SYN3: variants seen among roughly 807,000 people sequenced by gnomAD.
SYN3 encodes synapsin-3.
Under a neutral mutation model 65.8 loss-of-function variants are expected in SYN3, and 35 were observed. The observed-to-expected ratio is 0.53, with a 90% CI of 0.41 to 0.70. The LOEUF (loss-of-function observed/expected upper bound fraction) is 0.70. Ranked by LOEUF, SYN3 falls within the 30% of genes least tolerant of loss-of-function variation. The probability of loss-of-function intolerance (pLI) is 0.00; values close to 1 mark genes in which losing one functional copy is unlikely to be tolerated. For synonymous variants in SYN3, 270 were observed against 292.9 expected, an observed-to-expected ratio of 0.92 and a Z score of 0.80; for missense variants, 680 against 749.0, an observed-to-expected ratio of 0.91 and a Z score of 1.08.
At chr22:32,948,410 A>G (rs1254641983) in intron 3 of SYN3, among the ~76,000 whole-genome samples, 2 of 152,176 alleles carry the variant, frequency 1.3e-5, no homozygotes, top group Non-Finnish European at 2.9e-5. Context: ...GCTCTGTTAT[A>G]GGTGCTAGAT....
chr22:32,628,867 CGTT>C (rs769087567), intron 6 of SYN3, among the ~76,000 whole-genome samples: 1 of 152,138 alleles, frequency 6.6e-6, no homozygotes, highest in Non-Finnish European at 1.5e-5. Flanking sequence ...CAATTTCCCT[CGTT>C]GTAACTGAAA....
chr22:32,956,811 G>A (rs2051478229), intron 3 of SYN3, among the ~76,000 whole-genome samples: 1 of 152,112 alleles, frequency 6.6e-6, no homozygotes, highest in Admixed American at 6.6e-5. Flanking sequence ...TAGAATTGCT[G>A]GATTGTACAG....
chr22:32,889,547 G>A (rs1465641936), intron 4 of SYN3, among the ~76,000 whole-genome samples: 2 of 152,130 alleles, frequency 1.3e-5, no homozygotes, highest in Non-Finnish European at 2.9e-5. Context: ...AGTAGTCCCA[G>A]GATGTAAAGA....
In SYN3 at chr22:32,527,955, A is replaced by G; in HGVS notation, c.1281T>C (p.Pro427=). The G allele has an allele frequency of 6.3e-7, 1 of 1,591,548 alleles. No individual in the cohort carries two copies. Among genetic ancestry groups the G allele is most frequent in the East Asian group, 2.3e-5 (1 of 43,818 alleles). Residue 427 remains proline (P), a synonymous_variant, in exon 12 of 14, where the codon CCT becomes CCC. Transcript: ENST00000358763. ...GGCGTGGCTGGGGCTGGCCTAGCTGAGGCCCCAGCTGGGCTTGCCCTGGGG... is the reference window on the plus strand; with the variant it reads ...GGCGTGGCTGGGGCTGGCCTAGCTGGGGCCCCAGCTGGGCTTGCCCTGGGG... The part of the protein sequence containing the change: ...AKSPGQAQLG[P]QLGQPQPRPP...
At chr22:32,667,363 T>A (rs2060302876) in intron 6 of SYN3, among the ~76,000 whole-genome samples, 1 of 152,184 alleles carries the variant, frequency 6.6e-6, no homozygotes, top group Admixed American at 6.5e-5. Flanking sequence ...GAAGGGATCA[T>A]ACTATGTATA....
chr22:32,533,753 G>C, intron 10 of SYN3, 40 bp downstream of exon 10: 1 of 1,480,840 alleles, frequency 6.8e-7, no homozygotes, highest in Non-Finnish European at 9.4e-7. Flanking sequence ...ACGCCTGCCA[G>C]GCTGGACCAG....
rs764372156 is a variant in SYN3, at chr22:32,998,784, A to AAAC, written c.311+7567_311+7568insGTT. 9.2e-4 allele frequency among the ~76,000 whole-genome samples: 125 copies of AAAC among 135,870 alleles called. 1 individual carries two copies. The highest frequency in any genetic ancestry group is 2.1e-3 in the Admixed American group (28 of 13,398). The allele number at this position is 135,870 out of a possible 152,430, so 89.1% of individuals were successfully genotyped here. A position where few individuals can be genotyped will look rare whatever the true frequency, so the allele number is the denominator to read the frequency against. ...ACATTCTATAGAAATAGTAAAAAAAAAAAAAAAAAAAAAAACAAAAGTCCC... is the reference window on the plus strand; with the variant it reads ...ACATTCTATAGAAATAGTAAAAAAAAAACAAAAAAAAAAAAAAACAAAAGTCCC... On this transcript the variant is annotated intron_variant, in intron 2 of 13. Transcript: ENST00000358763.
Position 32,567,743 on chromosome 22 carries a change from C to T in SYN3, c.775-26030G>A, listed in dbSNP as rs114322969. Among the ~76,000 whole-genome samples the T allele has an allele frequency of 7.9e-3, 1,200 of 152,226 alleles. 18 individuals are homozygous for T. Among genetic ancestry groups the T allele is most frequent in the African/African-American group, 0.028 (1,172 of 41,546 alleles). ...GGGTTGACGAGCCTCAGAGGCAGCA[C>T]GTGACCAGCCCGAGGTCACACAGCC... On this transcript the variant is annotated intron_variant, in intron 7 of 13. Coordinates refer to ENST00000358763, the MANE Select transcript of SYN3 (RefSeq NM_003490.4).
intron 2 of SYN3, among the ~76,000 whole-genome samples, chr22:32,994,489 A>C (rs139255016): frequency 5.3e-4 from 80 of 152,222 alleles, no homozygotes; most frequent in Non-Finnish European, 1.0e-3. Flanking sequence ...GCCATCCCAG[A>C]AACCCCTTCA....
intron 3 of SYN3, among the ~76,000 whole-genome samples, chr22:32,965,289 G>T (rs2051795129): frequency 6.6e-6 from 1 of 152,140 alleles, no homozygotes; most frequent in African/African-American, 2.4e-5. Flanking sequence ...CTAATGCTTT[G>T]TTTGTGTTGT....
chr22:32,999,218 T>C (rs2052986520), intron 2 of SYN3, among the ~76,000 whole-genome samples: 1 of 151,778 alleles, frequency 6.6e-6, no homozygotes. Flanking sequence ...CAGGGTGGGG[T>C]GTGTCAGGGA....
chr22:33,020,204 C>T (rs931238914), intron 1 of SYN3, among the ~76,000 whole-genome samples: 2 of 152,194 alleles, frequency 1.3e-5, no homozygotes, highest in Non-Finnish European at 2.9e-5. Flanking sequence ...GAATAGTTAA[C>T]CATGGAAACG....
rs546318849 is a variant in SYN3, at chr22:32,726,111, A to C, written c.712-129375T>G. Among the ~76,000 whole-genome samples, 15 of 151,992 alleles carry C rather than the reference A, an allele frequency of 9.9e-5. No individual in the cohort carries two copies. The East Asian group carries it at 2.9e-3, about 29-fold the overall frequency. Reference sequence around the variant, plus strand: ...ATATTTCCCATGAAATATTCAATAAAGTCTAGATAATAATAACTAGTAATC... The same window carrying C: ...ATATTTCCCATGAAATATTCAATAACGTCTAGATAATAATAACTAGTAATC... On this transcript the variant is annotated intron_variant, in intron 6 of 13. Transcript: ENST00000358763.
At chr22:32,755,451 CATG>C (rs1189733105) in intron 6 of SYN3, among the ~76,000 whole-genome samples, 6 of 152,158 alleles carry the variant, frequency 3.9e-5, no homozygotes, top group Non-Finnish European at 7.4e-5. Flanking sequence ...AAGGGGCTCC[CATG>C]ATGATGGAGA....
At chr22:32,516,466 C>A (rs780806118) in intron 13 of SYN3, among the ~76,000 whole-genome samples, 3 of 152,084 alleles carry the variant, frequency 2.0e-5, no homozygotes, top group Non-Finnish European at 2.9e-5. Context: ...CAGGTTCAAG[C>A]GATTCTCCTG....
At chr22:32,552,852 G>A (rs2058437344) in intron 7 of SYN3, among the ~76,000 whole-genome samples, 1 of 152,146 alleles carries the variant, frequency 6.6e-6, no homozygotes, top group African/African-American at 2.4e-5. Flanking sequence ...ACTTAGTTAG[G>A]CTTCTGTCTT....
At chr22:33,020,628 T>C (rs1430123256) in intron 1 of SYN3, among the ~76,000 whole-genome samples, 1 of 152,194 alleles carries the variant, frequency 6.6e-6, no homozygotes, top group East Asian at 1.9e-4. Context: ...GGGAGAAATT[T>C]CTTTTGCAAG....
At chr22:32,614,858 C>G (rs1290466840) in intron 6 of SYN3, among the ~76,000 whole-genome samples, 1 of 152,048 alleles carries the variant, frequency 6.6e-6, no homozygotes, top group Non-Finnish European at 1.5e-5. Context: ...TGTTCCATCC[C>G]CAGTCTTCTG....
At chr22:32,911,118 TGAC>T (rs1201968861) in intron 4 of SYN3, among the ~76,000 whole-genome samples, 1 of 152,210 alleles carries the variant, frequency 6.6e-6, no homozygotes, top group African/African-American at 2.4e-5. Context: ...TTGCTAATGA[TGAC>T]TATAGTGATT....
Sources: allele counts gnomAD v4.1 joint callset (sites outside exome capture counted in the v4.1 genomes callset), GRCh38; gene constraint gnomAD v4.1.1; transcripts MANE v1.5; gene names NCBI Gene and HGNC (gene_info 2026-07-23, HGNC 2026-07-21).